The following TACR3 variants were observed in gnomAD, a reference collection of about 807,000 sequenced individuals.
The protein encoded by TACR3 is tachykinin receptor 3.
In TACR3, 34 loss-of-function variants were observed where a neutral mutation model predicts 35.0. That is an observed-to-expected ratio of 0.97 (90% CI 0.74 to 1.30). The LOEUF is 1.30. Among genes scored for constraint, TACR3 ranks in the 50% most tolerant of loss-of-function variants. TACR3 has a pLI of 0.00. For missense variants in TACR3, 558 were observed against 591.7 expected (o/e 0.94, Z 0.59); for synonymous variants, 233 against 221.1 (o/e 1.05, Z -0.48).
chr4:103,687,182 G>C (rs1722269652), intron 1 of TACR3, among the ~76,000 whole-genome samples: 1 of 152,108 alleles, frequency 6.6e-6, no homozygotes, highest in Non-Finnish European at 1.5e-5. Context: ...AAAGGCCTTT[G>C]ACAAAATTCA....
At chr4:103,645,682 A>C (rs915957303) in intron 3 of TACR3, among the ~76,000 whole-genome samples, 4 of 152,014 alleles carry the variant, frequency 2.6e-5, no homozygotes, top group African/African-American at 9.7e-5. Flanking sequence ...ACCCAAGTTG[A>C]GATTCTTTAT....
chr4:103,677,405 A>G (rs74982745), intron 1 of TACR3, among the ~76,000 whole-genome samples: 23,448 of 152,180 alleles, frequency 0.15, 2,355 homozygotes, highest in East Asian at 0.43. Context: ...GGACACATGC[A>G]TGTGTATGTT....
chr4:103,595,170 A>G (rs1313596448), intron 3 of TACR3, among the ~76,000 whole-genome samples: 1 of 152,212 alleles, frequency 6.6e-6, no homozygotes, highest in Non-Finnish European at 1.5e-5. Context: ...ACTGTATTGC[A>G]TGGCTGAACA....
At chr4:103,620,500 G>C (rs1724751402) in intron 3 of TACR3, among the ~76,000 whole-genome samples, 2 of 152,012 alleles carry the variant, frequency 1.3e-5, no homozygotes, top group Non-Finnish European at 2.9e-5. Flanking sequence ...ATCAACCCTG[G>C]TACCCATTAA....
Position 103,589,736 on chromosome 4 carries a change from G to A in TACR3, c.1344C>T (p.Ser448=), listed in dbSNP as rs76121575. Residue 448 remains serine (S), a synonymous_variant, in exon 5 of 5, where the codon TCC becomes TCT. Coordinates refer to ENST00000304883, the MANE Select transcript of TACR3 (RefSeq NM_001059.3). ...GCSRRNSKSA[S]ATSSFISSPY... is the part of the protein sequence containing the mutation. ...GTGAGCTTATGAAACTTGAAGTGGC[G>A]GAGGCAGATTTGGAATTCCTGCGAG... 2,517 of 1,613,912 alleles carry A rather than the reference G, an allele frequency of 1.6e-3. 63 individuals are homozygous for A. In the East Asian group the frequency reaches 0.048, roughly 31 times the overall value.
intron 3 of TACR3, among the ~76,000 whole-genome samples, chr4:103,650,539 A>C (rs1229005438): frequency 1.1e-5 from 1 of 88,396 alleles, no homozygotes; most frequent in Admixed American, 1.3e-4. Flanking sequence ...TTATATATAA[A>C]TATATAAAAT....
intron 1 of TACR3, among the ~76,000 whole-genome samples, chr4:103,689,562 CTAAA>C (rs1722352785): frequency 6.6e-6 from 1 of 151,790 alleles, no homozygotes; most frequent in Non-Finnish European, 1.5e-5. Context: ...AATAAAACCT[CTAAA>C]TATTTTTAAG....
intron 1 of TACR3, among the ~76,000 whole-genome samples, chr4:103,711,342 G>A (rs544985264): frequency 2.6e-5 from 4 of 152,130 alleles, no homozygotes; most frequent in South Asian, 4.2e-4. Context: ...TTCAACATAC[G>A]CAAATCAATA....
chr4:103,629,092 C>T (rs987018100), intron 3 of TACR3, among the ~76,000 whole-genome samples: 1 of 152,148 alleles, frequency 6.6e-6, no homozygotes, highest in Non-Finnish European at 1.5e-5. Context: ...TTCAACAGCC[C>T]TTCATGCTAA....
At chr4:103,699,829 A>C (rs1311687788) in intron 1 of TACR3, among the ~76,000 whole-genome samples, 1 of 151,584 alleles carries the variant, frequency 6.6e-6, no homozygotes, top group African/African-American at 2.4e-5. Flanking sequence ...AACGTCAGGA[A>C]CTCTGTTTTG....
intron 3 of TACR3, among the ~76,000 whole-genome samples, chr4:103,601,961 G>A (rs1724213300): frequency 6.6e-6 from 1 of 152,204 alleles, no homozygotes; most frequent in South Asian, 2.1e-4. Flanking sequence ...AGTTCTCCTA[G>A]ATAGTATCCT....
intron 1 of TACR3, among the ~76,000 whole-genome samples, chr4:103,667,514 C>T (rs1387391601): frequency 6.6e-6 from 1 of 152,046 alleles, no homozygotes. Context: ...CACAAAAGTG[C>T]TAACAGCTTG....
At chr4:103,608,668 T>G (rs1189319376) in intron 3 of TACR3, among the ~76,000 whole-genome samples, 1 of 152,148 alleles carries the variant, frequency 6.6e-6, no homozygotes, top group Non-Finnish European at 1.5e-5. Flanking sequence ...GGTGTTTGAA[T>G]GCTATTGGAA....
At chr4:103,674,125 TG>T (rs1484191552) in intron 1 of TACR3, among the ~76,000 whole-genome samples, 1 of 152,112 alleles carries the variant, frequency 6.6e-6, no homozygotes, top group African/African-American at 2.4e-5. Flanking sequence ...ATTTTAGCCT[TG>T]AAAAGAGGCA....
intron 3 of TACR3, among the ~76,000 whole-genome samples, chr4:103,649,208 T>G (rs767002935): frequency 1.1e-4 from 17 of 152,130 alleles, no homozygotes; most frequent in Non-Finnish European, 1.9e-4. Flanking sequence ...ATGGGGAGAT[T>G]GCAAATATTT....
chr4:103,607,095 A>C (rs1724392162), intron 3 of TACR3, among the ~76,000 whole-genome samples: 2 of 152,166 alleles, frequency 1.3e-5, no homozygotes, highest in South Asian at 4.1e-4. Flanking sequence ...CAAATCAATA[A>C]ATGTAATCCA....
chr4:103,667,701 G>T (rs947530300), intron 1 of TACR3, among the ~76,000 whole-genome samples: 2 of 152,018 alleles, frequency 1.3e-5, no homozygotes, highest in Admixed American at 1.3e-4. Context: ...TAAGAAATCT[G>T]CACTTATAAC....
intron 3 of TACR3, among the ~76,000 whole-genome samples, chr4:103,629,878 AAAC>A (rs1553969647): frequency 0.014 from 1,957 of 141,608 alleles, 71 homozygotes; most frequent in African/African-American, 0.047. Context: ...AAAACAAAAA[AAAC>A]AACAACAACA....
At chr4:103,614,292 C>A (rs1424486919) in intron 3 of TACR3, among the ~76,000 whole-genome samples, 1 of 152,050 alleles carries the variant, frequency 6.6e-6, no homozygotes, top group Non-Finnish European at 1.5e-5. Context: ...GAAAGCTATT[C>A]AAGGAATATC....
Sources: gnomAD v4.1 joint callset for allele counts (sites outside exome capture counted in the v4.1 genomes callset) on GRCh38, gnomAD v4.1.1 for gene constraint, MANE v1.5 for transcripts, NCBI Gene and HGNC (gene_info 2026-07-23, HGNC 2026-07-21) for gene names.